The following CCDC91 variants were observed in gnomAD, a reference collection of about 807,000 sequenced individuals.
CCDC91 encodes the protein coiled-coil domain containing 91.
A neutral mutation model predicts 63.2 loss-of-function variants in CCDC91; 48 were observed. The observed-to-expected ratio is 0.76, with a 90% confidence interval of 0.60 to 0.97. The LOEUF (loss-of-function observed/expected upper bound fraction) is 0.97. Ranked by LOEUF, CCDC91 falls within the 50% of genes least tolerant of loss-of-function variation. The probability of loss-of-function intolerance (pLI) is 0.00; values close to 1 mark genes in which losing one functional copy is unlikely to be tolerated. For synonymous variants in CCDC91, 167 were observed against 165.8 expected, an observed-to-expected ratio of 1.01 and a Z score of -0.06; for missense variants, 500 against 494.6, an observed-to-expected ratio of 1.01 and a Z score of -0.10.
At chr12:28,531,728 T>A (rs1431427765) in intron 12 of CCDC91, among the ~76,000 whole-genome samples, 2 of 152,188 alleles carry the variant, frequency 1.3e-5, no homozygotes, top group African/African-American at 4.8e-5. Flanking sequence ...TCTTCTATAT[T>A]TTTGTTCTTT....
At chr12:28,212,952 T>C (rs1169145338) in intron 1 of CCDC91, among the ~76,000 whole-genome samples, 4 of 152,174 alleles carry the variant, frequency 2.6e-5, no homozygotes, top group Non-Finnish European at 4.4e-5. Context: ...AGTCAATTAT[T>C]TAAGAGTTTT....
intron 11 of CCDC91, among the ~76,000 whole-genome samples, chr12:28,454,104 A>G (rs1949947888): frequency 6.6e-6 from 1 of 152,172 alleles, no homozygotes; most frequent in Admixed American, 6.6e-5. Context: ...TTCCTTACAA[A>G]TGTTTGCACG....
intron 6 of CCDC91, among the ~76,000 whole-genome samples, chr12:28,340,808 G>C (rs1466982336): frequency 6.6e-6 from 1 of 152,182 alleles, no homozygotes; most frequent in Non-Finnish European, 1.5e-5. Context: ...CGGGCTGCTT[G>C]TGTTAGTCAG....
At chr12:28,200,009 G>C (rs999029179) in intron 1 of CCDC91, among the ~76,000 whole-genome samples, 5 of 151,978 alleles carry the variant, frequency 3.3e-5, no homozygotes, top group Non-Finnish European at 5.9e-5. Context: ...TCCTTGTATC[G>C]TTTCTTCAAA....
At chr12:28,467,741 A>G (rs1204294958) in intron 11 of CCDC91, among the ~76,000 whole-genome samples, 2 of 152,112 alleles carry the variant, frequency 1.3e-5, no homozygotes, top group African/African-American at 2.4e-5. Context: ...ATTTTTAACA[A>G]TTTGAATAAT....
intron 8 of CCDC91, among the ~76,000 whole-genome samples, chr12:28,394,913 G>A (rs1946196983): frequency 6.6e-6 from 1 of 151,996 alleles, no homozygotes; most frequent in South Asian, 2.1e-4. Flanking sequence ...CTACCTCATA[G>A]TACTATTATA....
intron 12 of CCDC91, among the ~76,000 whole-genome samples, chr12:28,520,331 G>A (rs1367136392): frequency 6.6e-5 from 10 of 152,256 alleles, no homozygotes; most frequent in African/African-American, 2.4e-4. Flanking sequence ...GTGATGATGA[G>A]AATTTTTTCA....
intron 6 of CCDC91, among the ~76,000 whole-genome samples, chr12:28,326,189 G>T (rs1940977682): frequency 6.6e-6 from 1 of 152,006 alleles, no homozygotes; most frequent in South Asian, 2.1e-4. Context: ...CTGAGATTCT[G>T]CTTAGAAGTA....
At chr12:28,495,452 C>T (rs186330165) in intron 12 of CCDC91, among the ~76,000 whole-genome samples, 2 of 151,606 alleles carry the variant, frequency 1.3e-5, no homozygotes, top group Admixed American at 6.6e-5. Flanking sequence ...GATTACAACT[C>T]AACCATGCTA....
In CCDC91 at chr12:28,400,880, T is replaced by C. The variant is rs1227719589; in HGVS notation, c.762+9469T>C. Among the ~76,000 whole-genome samples, 4 of 152,326 alleles carry C rather than the reference T, an allele frequency of 2.6e-5. No individual in the cohort carries two copies. The East Asian group carries it at 7.7e-4, about 29-fold the overall frequency. On this transcript the variant is annotated intron_variant, in intron 8 of 12. Transcript: ENST00000536442. ...CTGAGACCACCTTAGCCTGGACTTA[T>C]TGTCCATATCACTATCAGCATTTTG...
chr12:28,282,164 G>A lies in CCDC91; in HGVS notation c.109+22722G>A, dbSNP rs953231417. Among the ~76,000 whole-genome samples the A allele has an allele frequency of 1.6e-4, 24 of 152,098 alleles. 1 individual carries two copies. Among genetic ancestry groups the A allele is most frequent in the Admixed American group, 1.2e-3 (18 of 15,268 alleles). On this transcript the variant is annotated intron_variant, in intron 3 of 12. Transcript: ENST00000536442. ...CACGTACTACCGTTAAGTTGGTAAT[G>A]CGTTTTATTTTTCTTACCTTCGATA...
rs1283158599 is a variant in CCDC91 at position 28,254,035 on chromosome 12, A to G, written c.-14-3167A>G. Among the ~76,000 whole-genome samples, 6 of 152,344 alleles carry G rather than the reference A, an allele frequency of 3.9e-5. No homozygotes were observed. In the South Asian group the frequency reaches 6.2e-4, roughly 16 times the overall value. Reference sequence around the variant, plus strand: ...TTAACTGATACAGAATTGCTGAATAAAAGTTTATTACATTGTGTATTCTGT... The same window carrying G: ...TTAACTGATACAGAATTGCTGAATAGAAGTTTATTACATTGTGTATTCTGT... On this transcript the variant is annotated intron_variant, in intron 1 of 12. Transcript: ENST00000536442.
At chr12:28,498,529 A>T (rs1952437562) in intron 12 of CCDC91, among the ~76,000 whole-genome samples, 1 of 151,652 alleles carries the variant, frequency 6.6e-6, no homozygotes, top group South Asian at 2.1e-4. Context: ...AAAGCATGTC[A>T]CACAGTCAAA....
At chr12:28,451,054 T>C (rs1025365626) in intron 10 of CCDC91, among the ~76,000 whole-genome samples, 2 of 151,760 alleles carry the variant, frequency 1.3e-5, no homozygotes, top group African/African-American at 4.8e-5. Flanking sequence ...ATCTATGTCA[T>C]AGAAGTTTTT....
intron 1 of CCDC91, among the ~76,000 whole-genome samples, chr12:28,249,708 A>G (rs529597296): frequency 1.1e-4 from 16 of 151,384 alleles, no homozygotes; most frequent in African/African-American, 3.9e-4. Context: ...TTTTGCTCTC[A>G]CTATGATTAC....
At chr12:28,216,818 G>A (rs1484997871) in intron 1 of CCDC91, among the ~76,000 whole-genome samples, 2 of 151,956 alleles carry the variant, frequency 1.3e-5, no homozygotes, top group African/African-American at 4.8e-5. Context: ...CATGTTAAGG[G>A]ATTCTTTGTT....
chr12:28,240,977 T>A (rs1463343677), intron 1 of CCDC91, among the ~76,000 whole-genome samples: 2 of 152,202 alleles, frequency 1.3e-5, no homozygotes, highest in African/African-American at 4.8e-5. Context: ...TGTTTTACAT[T>A]CCCACCAGAA....
chr12:28,374,352 C>T (rs370255399), intron 7 of CCDC91, among the ~76,000 whole-genome samples: 1 of 152,082 alleles, frequency 6.6e-6, no homozygotes, highest in African/African-American at 2.4e-5. Flanking sequence ...ACCCATGGAT[C>T]TTTGCTGATT....
chr12:28,386,024 C>A (rs982630786), intron 7 of CCDC91, among the ~76,000 whole-genome samples: 1 of 152,142 alleles, frequency 6.6e-6, no homozygotes, highest in Non-Finnish European at 1.5e-5. Context: ...TAGTCCTTCA[C>A]ACTATTTACT....
Sources: allele counts gnomAD v4.1 joint callset (sites outside exome capture counted in the v4.1 genomes callset), GRCh38; gene constraint gnomAD v4.1.1; transcripts MANE v1.5; gene names NCBI Gene and HGNC (gene_info 2026-07-23, HGNC 2026-07-21).